Variants in EP400 observed in about 807,000 individuals in gnomAD.
EP400 encodes the protein E1A-binding protein p400.
EP400 carries 105 observed loss-of-function variants against 354.1 expected under a neutral mutation model. The ratio of observed to expected loss-of-function variants is 0.30; its 90% CI spans 0.25 to 0.35. The LOEUF (loss-of-function observed/expected upper bound fraction) is 0.35, where lower values mean the gene tolerates loss of function less well. Ranked by LOEUF, EP400 falls within the 10% of genes least tolerant of loss-of-function variation. The pLI is 1.00. For missense variants in EP400, 3,280 were observed against 4,121.0 expected (o/e 0.80, Z 5.59); for synonymous variants, 1,646 against 1,716.9 (o/e 0.96, Z 1.02).
chr12:132,047,625 G>A (rs2136582261), intron 39 of EP400, among the ~76,000 whole-genome samples: 1 of 152,312 alleles, frequency 6.6e-6, no homozygotes, highest in East Asian at 1.9e-4. Flanking sequence ...ATATCACAAG[G>A]TAAATGGAGG....
At position 132,038,737 on chromosome 12, in the gene EP400, G is replaced by A. The variant is rs1002757919; in HGVS notation, c.6207+641G>A. The stretch of plus-strand genomic sequence containing the variant: ...TGTAGACATGTCACAGACCCGTCAC[G>A]GGGCCGCTGTTCCCTCCCTGTCCCC... On this transcript the variant is annotated intron_variant, in intron 32 of 52. Transcript: ENST00000389561. This position sits in a 1 kb window ranked among gnomAD's most constrained non-coding sequence, Gnocchi z 4.2. 5.9e-5 allele frequency among the ~76,000 whole-genome samples: 9 copies of A among 152,110 alleles called. No homozygotes were observed. The highest frequency in any genetic ancestry group is 1.2e-4 in the African/African-American group (5 of 41,424).
Position 132,013,203 on chromosome 12 carries a change from T to G in EP400, c.3611+25T>G, listed in dbSNP as rs760476141. 2 of 1,587,942 alleles carry G rather than the reference T, an allele frequency of 1.3e-6. No homozygotes were observed. Among genetic ancestry groups the G allele is most frequent in the Non-Finnish European group, 1.7e-6 (2 of 1,162,826 alleles). On this transcript the variant is annotated intron_variant, in intron 17 of 52. Coordinates refer to ENST00000389561, the MANE Select transcript of EP400 (RefSeq NM_015409.5). The surrounding 1 kb of genome is among the most constrained non-coding windows in gnomAD (Gnocchi z 4.5). Reference sequence around the variant, plus strand: ...GGTCTGTGTGTTACGCGCTTGTCATTGAGTGTTCTTTGCTGTTGATGTAGA... The same window carrying G: ...GGTCTGTGTGTTACGCGCTTGTCATGGAGTGTTCTTTGCTGTTGATGTAGA...
intron 45 of EP400, among the ~76,000 whole-genome samples, chr12:132,056,000 G>A (rs997154256): frequency 4.6e-5 from 7 of 151,806 alleles, no homozygotes; most frequent in Admixed American, 3.9e-4. Context: ...TGGGAGGAGC[G>A]GGCAGTTTCT....
rs200910662 is a variant in EP400 at position 131,972,136 on chromosome 12, C to CTTTCTT, written c.1336-7536_1336-7531dup. 4.0e-5 allele frequency among the ~76,000 whole-genome samples: 6 copies of CTTTCTT among 150,982 alleles called. No homozygotes were observed. The South Asian group carries it at 6.3e-4, about 16-fold the overall frequency. On this transcript the variant is annotated intron_variant, in intron 2 of 52. Transcript: ENST00000389561. ...AAAAAATTCAGCGTGAGTTTTATTA[C>CTTTCTT]TTTCTTTTTCTTTTTCTTTTTCTTT...
chr12:132,069,889 TG>T (rs1264717525), intron 51 of EP400, among the ~76,000 whole-genome samples: 1 of 152,214 alleles, frequency 6.6e-6, no homozygotes, highest in African/African-American at 2.4e-5. Flanking sequence ...TCCAGCTCTG[TG>T]GGGTACAGCT....
Position 132,029,400 on chromosome 12 carries a change from A to G in EP400, c.5382-301A>G, listed in dbSNP as rs184716477. The G allele has an allele frequency of 2.2e-6, 1 of 462,238 alleles. No individual in the cohort carries two copies. Among genetic ancestry groups the G allele is most frequent in the East Asian group, 3.5e-5 (1 of 28,800 alleles). 28.6% of individuals were successfully genotyped at this position (462,238 alleles called of 1,614,324 possible). On this transcript the variant is annotated intron_variant, in intron 27 of 52. Transcript: ENST00000389561. The surrounding 1 kb of genome is among the most constrained non-coding windows in gnomAD (Gnocchi z 4.7). Reference sequence around the variant, plus strand: ...GTTTCCAGCTGAAGACACACTAGAAAGAGAATGGCTTATCTCTGACCTGGT... The same window carrying G: ...GTTTCCAGCTGAAGACACACTAGAAGGAGAATGGCTTATCTCTGACCTGGT...
Position 132,043,251 on chromosome 12 carries a change from C to G in EP400, c.6208-53C>G. On this transcript the variant is annotated intron_variant, in intron 32 of 52. Coordinates refer to ENST00000389561, the MANE Select transcript of EP400 (RefSeq NM_015409.5). ...TTACATGGGATAGCTCTTTTTCAAA[C>G]TACCCTCATTTAAAAAGTCTATCAA... The G allele has an allele frequency of 1.9e-6, 3 of 1,565,934 alleles. No individual in the cohort carries two copies. In the South Asian group the frequency reaches 3.6e-5, roughly 19 times the overall value.
chr12:132,041,975 C>A (rs1396220051), intron 32 of EP400, among the ~76,000 whole-genome samples: 4 of 138,606 alleles, frequency 2.9e-5, no homozygotes, highest in African/African-American at 8.6e-5. Context: ...TTTTTTAAGA[C>A]GGAGTCCCAC....
In EP400 at chr12:132,018,450, T is replaced by C; in HGVS notation, c.4277+74T>C. The C allele has an allele frequency of 1.3e-6, 2 of 1,523,404 alleles. No individual in the cohort carries two copies. The highest frequency in any genetic ancestry group is 2.3e-5 in the Admixed American group (1 of 44,004). The allele number at this position is 1,523,404 out of a possible 1,614,324, so 94.4% of individuals were successfully genotyped here. On this transcript the variant is annotated intron_variant, in intron 21 of 52. Coordinates refer to ENST00000389561, the MANE Select transcript of EP400 (RefSeq NM_015409.5). This position sits in a 1 kb window ranked among gnomAD's most constrained non-coding sequence, Gnocchi z 4.0. ...ACAGCTGACCCAGGTCTATGCGTGG[T>C]GAAAAGAAAGGCTGCTAATGTAGTT...
intron 30 of EP400, among the ~76,000 whole-genome samples, chr12:132,033,403 G>C (rs375846027): frequency 6.6e-6 from 1 of 152,104 alleles, no homozygotes; most frequent in African/African-American, 2.4e-5. Flanking sequence ...GTTGTGTGCC[G>C]AGCACATCCT....
rs567420849 is a variant in EP400, at chr12:132,066,730, T to C, written c.8554-44T>C. 69 of 1,565,410 alleles carry C rather than the reference T, an allele frequency of 4.4e-5. No individual in the cohort carries two copies. In the African/African-American group the frequency reaches 8.2e-4, roughly 19 times the overall value. ...GAGAAGTATTTGGAAAGACATACCG[T>C]GTCCTGAATTTCTCTGGACTCTCCC... On this transcript the variant is annotated intron_variant, in intron 48 of 52. Coordinates refer to ENST00000389561, the MANE Select transcript of EP400 (RefSeq NM_015409.5).
intron 1 of EP400, among the ~76,000 whole-genome samples, chr12:131,954,351 T>G (rs1455763666): frequency 6.6e-6 from 1 of 151,930 alleles, no homozygotes; most frequent in Non-Finnish European, 1.5e-5. Flanking sequence ...CTTTGGGAGA[T>G]TAAGGCAGGA....
At position 132,017,664 on chromosome 12, in the gene EP400, A is replaced by C. The variant is rs200786638; in HGVS notation, c.4053A>C (p.Pro1351=). The change falls in exon 20 of 53, where the codon CCA becomes CCC. Residue 1351 remains proline, a synonymous_variant. Transcript: ENST00000389561. This position sits in a 1 kb window ranked among gnomAD's most constrained non-coding sequence, Gnocchi z 5.0. ...RHPGSSYVAG[P]LEYPSASLIL... ...CAGGCTCTTCCTACGTGGCGGGGCC[A>C]CTGGAGTATCCGTCCGCATCTCTAA... The C allele has an allele frequency of 6.3e-7, 1 of 1,593,232 alleles. No homozygotes were observed. Among genetic ancestry groups the C allele is most frequent in the Middle Eastern group, 1.7e-4 (1 of 5,966 alleles).
At position 131,974,938 on chromosome 12, in the gene EP400, A is replaced by G. The variant is rs531583080; in HGVS notation, c.1336-4756A>G. On this transcript the variant is annotated intron_variant, in intron 2 of 52. Transcript: ENST00000389561. The stretch of plus-strand genomic sequence containing the variant: ...CCGGGAGGCAGAGGTTGCATTGAGC[A>G]GGGCTTGTGCCACTGTACTCCATCC... Among the ~76,000 whole-genome samples the G allele has an allele frequency of 8.7e-5, 12 of 137,368 alleles. No individual in the cohort carries two copies. In the East Asian group the frequency reaches 2.7e-3, roughly 31 times the overall value. The allele number at this position is 137,368 out of a possible 152,430, so 90.1% of individuals were successfully genotyped here.
At chr12:131,972,882 C>G (rs1309635352) in intron 2 of EP400, among the ~76,000 whole-genome samples, 2 of 152,010 alleles carry the variant, frequency 1.3e-5, no homozygotes, top group East Asian at 1.9e-4. Flanking sequence ...CAGGCGTGTA[C>G]CACCACACCC....
chr12:131,972,992 A>G (rs1892350319), intron 2 of EP400, among the ~76,000 whole-genome samples: 2 of 152,112 alleles, frequency 1.3e-5, no homozygotes, highest in Non-Finnish European at 1.5e-5. Flanking sequence ...TTGGCCTCCC[A>G]AAGTGCTGGG....
intron 25 of EP400, among the ~76,000 whole-genome samples, chr12:132,026,695 C>A (rs1894317562): frequency 6.6e-6 from 1 of 152,166 alleles, no homozygotes; most frequent in Non-Finnish European, 1.5e-5. Flanking sequence ...GCTTCAGAGG[C>A]CCCAGTACCA....
chr12:132,029,551 C>A lies in EP400; in HGVS notation c.5382-150C>A. ...GCCTCGTTGGGCCCCTGCCCGTGTG[C>A]CAACACCCACATCCCCATGTGACTG... On this transcript the variant is annotated intron_variant, in intron 27 of 52. Transcript: ENST00000389561. The surrounding 1 kb of genome is among the most constrained non-coding windows in gnomAD (Gnocchi z 4.7). The A allele has an allele frequency of 3.5e-6, 3 of 847,236 alleles. No homozygotes were observed. Among genetic ancestry groups the A allele is most frequent in the Non-Finnish European group, 5.5e-6 (3 of 545,458 alleles). 52.5% of individuals were successfully genotyped at this position (847,236 alleles called of 1,614,324 possible).
intron 23 of EP400, among the ~76,000 whole-genome samples, chr12:132,022,008 A>G (rs1441876959): frequency 6.6e-6 from 1 of 152,228 alleles, no homozygotes; most frequent in African/African-American, 2.4e-5. Flanking sequence ...TGTTGTTGGT[A>G]TAGCCAAATT....
Sources: allele counts gnomAD v4.1 joint callset (sites outside exome capture counted in the v4.1 genomes callset), GRCh38; gene constraint gnomAD v4.1.1; non-coding constraint Gnocchi (gnomAD v3.1); transcripts MANE v1.5; gene names NCBI Gene and HGNC (gene_info 2026-07-23, HGNC 2026-07-21).